Variants in MRC1 observed in about 807,000 individuals in gnomAD.
MRC1 encodes mannose receptor C-type 1, also known as macrophage mannose receptor 1.
In MRC1, 62 loss-of-function variants were observed where a neutral mutation model predicts 102.9. The ratio of observed to expected loss-of-function variants is 0.60; its 90% CI spans 0.49 to 0.74. MRC1 has a LOEUF of 0.74. Among genes scored for constraint, MRC1 ranks in the 30% least tolerant of loss-of-function variants. MRC1 has a pLI of 0.00. For missense variants in MRC1, 1,237 were observed against 862.8 expected, an observed-to-expected ratio of 1.43 and a Z score of -5.43; for synonymous variants, 457 against 298.4, an observed-to-expected ratio of 1.53 and a Z score of -5.48.
At chr10:17,873,945 T>C in intron 16 of MRC1, 120 bp downstream of exon 16, 1 of 741,316 alleles carries the variant, frequency 1.3e-6, no homozygotes, top group Non-Finnish European at 2.5e-6. Flanking sequence ...TAATAACCTT[T>C]GAGTGAGAAC....
At chr10:17,857,418 A>G (rs1833109225) in intron 9 of MRC1, among the ~76,000 whole-genome samples, 1 of 152,160 alleles carries the variant, frequency 6.6e-6, no homozygotes, top group East Asian at 1.9e-4. Flanking sequence ...CAAACCTTAC[A>G]TTTTTATTGC....
At chr10:17,824,870 T>C (rs1022682666) in intron 2 of MRC1, among the ~76,000 whole-genome samples, 1 of 152,152 alleles carries the variant, frequency 6.6e-6, no homozygotes, top group Non-Finnish European at 1.5e-5. Flanking sequence ...GAGACAAATA[T>C]ACATAGGGTT....
chr10:17,824,642 A>AC (rs1443470366), intron 2 of MRC1, among the ~76,000 whole-genome samples: 1 of 151,340 alleles, frequency 6.6e-6, no homozygotes, highest in African/African-American at 2.5e-5. Flanking sequence ...AAGTGAACAC[A>AC]AAAAAAACCT....
Position 17,906,889 on chromosome 10 carries a change from C to T in MRC1, c.3803C>T (p.Ser1268Phe). Reference protein sequence around the residue: ...QASLECLRMGSSLVSIESAAE... With the variant: ...QASLECLRMGFSLVSIESAAE... ...TTTATCCTTTTACGCTTTCTAGGTT[C>T]CTCTCTGGTTTCCATTGAAAGTGCT... is the stretch of plus-strand genomic sequence containing the variant. The change falls in exon 27 of 30, where the codon TCC becomes TTC. Residue 1268 changes from serine to phenylalanine, a missense_variant. Coordinates refer to ENST00000569591, the MANE Select transcript of MRC1 (RefSeq NM_002438.4). The T allele has an allele frequency of 1.3e-6, 1 of 784,258 alleles. No homozygotes were observed. Among genetic ancestry groups the T allele is most frequent in the Non-Finnish European group, 2.4e-6 (1 of 421,170 alleles). 48.6% of individuals were successfully genotyped at this position (784,258 alleles called of 1,614,324 possible).
chr10:17,897,650 A>G (rs1348177464), intron 23 of MRC1, among the ~76,000 whole-genome samples: 2 of 152,196 alleles, frequency 1.3e-5, no homozygotes, highest in Non-Finnish European at 2.9e-5. Flanking sequence ...TTGACTTTTA[A>G]CGTACATGGA....
chr10:17,868,635 A>C (rs1160330319), intron 12 of MRC1, among the ~76,000 whole-genome samples: 1 of 152,148 alleles, frequency 6.6e-6, no homozygotes, highest in Non-Finnish European at 1.5e-5. Flanking sequence ...TCTTTTATTC[A>C]ATCTCTTTGA....
chr10:17,847,700 G>GGAACA (rs1838846323), intron 6 of MRC1, among the ~76,000 whole-genome samples: 2 of 152,232 alleles, frequency 1.3e-5, no homozygotes, highest in Non-Finnish European at 2.9e-5. Context: ...CACATGAGCT[G>GGAACA]TGGCTAGAGG....
At chr10:17,909,283 A>C (rs1833937541) in intron 28 of MRC1, 23 bp from the exon 29 acceptor site, 2 of 842,758 alleles carry the variant, frequency 2.4e-6, no homozygotes, top group African/African-American at 3.4e-5. Context: ...GGTTTTTATA[A>C]ATTTTTTTTT....
intron 17 of MRC1, among the ~76,000 whole-genome samples, chr10:17,876,920 G>A (rs1276902925): frequency 6.6e-6 from 1 of 151,996 alleles, no homozygotes; most frequent in East Asian, 1.9e-4. Flanking sequence ...AGGTAACAGA[G>A]AGAGCAGGAA....
In MRC1 at chr10:17,827,691, C is replaced by T. The variant is rs1215307124; in HGVS notation, c.613C>T (p.Leu205=). Reference sequence around the variant, plus strand: ...CACTACTGACTATGACACAGACAAGCTATTTGGATATTGTCCATTGAAATG... The same window carrying T: ...CACTACTGACTATGACACAGACAAGTTATTTGGATATTGTCCATTGAAATG... ...GTTTDYDTDK[L]FGYCPLKFEG... Residue 205 remains leucine, a synonymous_variant, in exon 3 of 30, where the codon CTA becomes TTA. Transcript: ENST00000569591. 1.3e-6 allele frequency: 1 copy of T among 780,718 alleles called. No individual in the cohort carries two copies. Among genetic ancestry groups the T allele is most frequent in the Non-Finnish European group, 2.4e-6 (1 of 417,966 alleles). 48.4% of individuals were successfully genotyped at this position (780,718 alleles called of 1,614,324 possible).
intron 1 of MRC1, among the ~76,000 whole-genome samples, chr10:17,812,469 A>G (rs1838238413): frequency 6.6e-6 from 1 of 151,628 alleles, no homozygotes; most frequent in Admixed American, 6.6e-5. Context: ...TTTGCTGTTT[A>G]CTGATGTCCA....
chr10:17,836,524 C>A (rs1554839480), intron 4 of MRC1, among the ~76,000 whole-genome samples: 1 of 152,074 alleles, frequency 6.6e-6, no homozygotes. Flanking sequence ...GGCAGACTTG[C>A]AGGCACGAGA....
rs960859868 is a variant in MRC1 at position 17,830,331 on chromosome 10, C to T, written c.637+2616C>T. Among the ~76,000 whole-genome samples, 34 of 151,162 alleles carry T rather than the reference C, an allele frequency of 2.2e-4. 3 individuals carry two copies. The highest frequency in any genetic ancestry group is 7.7e-4 in the African/African-American group (31 of 40,504). On this transcript the variant is annotated intron_variant, in intron 3 of 29. Transcript: ENST00000569591. ...ATTTTGAGTAGAGAAGGGGTTTCAC[C>T]ATGTTGCCCAGGCTGGTCTCGAACT...
intron 4 of MRC1, among the ~76,000 whole-genome samples, chr10:17,834,402 TTTGTG>T: frequency 6.6e-6 from 1 of 152,092 alleles, no homozygotes; most frequent in Non-Finnish European, 1.5e-5. Flanking sequence ...GTTGTTTTGT[TTTGTG>T]TTGTGTTGTT....
intron 22 of MRC1, among the ~76,000 whole-genome samples, chr10:17,892,801 A>G (rs1422557297): frequency 1.3e-5 from 2 of 152,004 alleles, no homozygotes; most frequent in Non-Finnish European, 2.9e-5. Flanking sequence ...CACGAGGTCA[A>G]GAGATCGAGA....
chr10:17,885,955 T>C (rs1186919012), intron 22 of MRC1, among the ~76,000 whole-genome samples: 1 of 152,122 alleles, frequency 6.6e-6, no homozygotes, highest in African/African-American at 2.4e-5. Flanking sequence ...TTTATTCTTA[T>C]ATAATTGAAC....
At chr10:17,832,733 G>T (rs1343752862) in intron 3 of MRC1, among the ~76,000 whole-genome samples, 1 of 150,534 alleles carries the variant, frequency 6.6e-6, no homozygotes, top group Non-Finnish European at 1.5e-5. Context: ...GACTACAGGC[G>T]CCCGCCACCA....
At chr10:17,835,310 A>G (rs1838646306) in intron 4 of MRC1, among the ~76,000 whole-genome samples, 1 of 152,336 alleles carries the variant, frequency 6.6e-6, no homozygotes, top group South Asian at 2.1e-4. Context: ...CTATAAATAC[A>G]TTAATTTGTT....
intron 9 of MRC1, among the ~76,000 whole-genome samples, chr10:17,858,999 TCTTC>T (rs1833139887): frequency 6.6e-6 from 1 of 152,250 alleles, no homozygotes; most frequent in Non-Finnish European, 1.5e-5. Flanking sequence ...TATCTTCATC[TCTTC>T]CTATGCTATC....
Sources: allele counts gnomAD v4.1 joint callset (sites outside exome capture counted in the v4.1 genomes callset), GRCh38; gene constraint gnomAD v4.1.1; transcripts MANE v1.5; gene names NCBI Gene and HGNC (gene_info 2026-07-23, HGNC 2026-07-21).